The following RGS12 variants were observed in gnomAD, a reference collection of about 807,000 sequenced individuals.
RGS12 encodes regulator of G protein signaling 12.
RGS12 carries 66 observed loss-of-function variants against 120.1 expected under a neutral mutation model. The observed-to-expected ratio is 0.55, with a 90% CI of 0.45 to 0.67. RGS12 has a LOEUF of 0.67. Among genes scored for constraint, RGS12 ranks in the 30% least tolerant of loss-of-function variants. RGS12 has a pLI of 0.00. For missense variants in RGS12, 1,859 were observed against 1,957.7 expected (o/e 0.95, Z 0.95); for synonymous variants, 827 against 804.7 (o/e 1.03, Z -0.47).
At chr4:3,313,789 A>T (rs912205454) in intron 1 of RGS12, among the ~76,000 whole-genome samples, 1 of 152,046 alleles carries the variant, frequency 6.6e-6, no homozygotes, top group Admixed American at 6.5e-5. Context: ...CTCTGACCCC[A>T]GGCTCACACA....
intron 2 of RGS12, among the ~76,000 whole-genome samples, chr4:3,326,943 C>T (rs1157391902): frequency 2.0e-5 from 3 of 152,110 alleles, no homozygotes; most frequent in East Asian, 1.9e-4. Context: ...TAATTTTTCA[C>T]GGAAGTAGAA....
At chr4:3,367,268 C>T (rs930446414) in intron 3 of RGS12, among the ~76,000 whole-genome samples, 6 of 152,388 alleles carry the variant, frequency 3.9e-5, no homozygotes, top group South Asian at 2.1e-4. Flanking sequence ...CTGGGATCCG[C>T]GGTGGGCCTG....
the RGS12 span, among the ~76,000 whole-genome samples, chr4:3,287,603 T>C: frequency 6.6e-6 from 1 of 152,248 alleles, no homozygotes; most frequent in Admixed American, 6.5e-5. Flanking sequence ...AGGAATAATA[T>C]GGTCTACTTA....
chr4:3,396,666 C>G (rs1720074082), intron 4 of RGS12, among the ~76,000 whole-genome samples: 1 of 152,118 alleles, frequency 6.6e-6, no homozygotes, highest in Non-Finnish European at 1.5e-5. Context: ...AATTCTCGTC[C>G]CTGGCATTTG....
chr4:3,425,136 C>G (rs1723471763), intron 13 of RGS12, among the ~76,000 whole-genome samples: 1 of 152,240 alleles, frequency 6.6e-6, no homozygotes, highest in African/African-American at 2.4e-5. Context: ...AACATCTGCT[C>G]TCAGTATTCC....
chr4:3,309,716 G>A (rs1301493646), intron 1 of RGS12, among the ~76,000 whole-genome samples: 16 of 133,904 alleles, frequency 1.2e-4, no homozygotes, highest in Middle Eastern at 4.9e-3. Flanking sequence ...GCTGGGACCT[G>A]GGAATGGCAG....
chr4:3,311,183 C>T (rs553469356), intron 1 of RGS12, among the ~76,000 whole-genome samples: 1 of 152,270 alleles, frequency 6.6e-6, no homozygotes, highest in African/African-American at 2.4e-5. Flanking sequence ...CTTCGGAGGA[C>T]GGCGTCTCTC....
rs769785638 is a variant in RGS12, at chr4:3,422,487, A to G, written c.2950A>G (p.Ile984Val). ...GGTGGCTGTCAAGGCGGGCTTCTCCATCAAAGACATCCTGTCCGGACTCTG... is the reference window on the plus strand; with the variant it reads ...GGTGGCTGTCAAGGCGGGCTTCTCCGTCAAAGACATCCTGTCCGGACTCTG... ...CVVAVKAGFS[I>V]KDILSGLCER... Residue 984 changes from isoleucine to valine, a missense_variant, in exon 11 of 18, where the codon ATC becomes GTC. By Grantham distance (29) the Ile-to-Val change is conservative. Transcript: ENST00000336727. 1 of 1,613,038 alleles carries G rather than the reference A, an allele frequency of 6.2e-7. No individual in the cohort carries two copies. The highest frequency in any genetic ancestry group is 8.5e-7 in the Non-Finnish European group (1 of 1,179,976).
At chr4:3,292,317 T>A (rs1227849194), upstream of RGS12, among the ~76,000 whole-genome samples, 1 of 152,006 alleles carries the variant, frequency 6.6e-6, no homozygotes, top group Admixed American at 6.5e-5. Context: ...GTGCCTCCGG[T>A]CCCGCCCTCG....
In RGS12 at chr4:3,422,942, C is replaced by T; in HGVS notation, c.3071C>T (p.Ser1024Leu). ...CACCAAGACAGTAGCATCTTGGAGT[C>T]AAGGGACCTGCGCCTAGAAAAGCGC... ...VLHQDSSILESRDLRLEKRTL... is the reference protein window; with the variant it reads ...VLHQDSSILELRDLRLEKRTL... Residue 1024 changes from serine (S) to leucine (L), a missense_variant, in exon 12 of 18, where the codon TCA (serine) becomes TTA (leucine). Ser to Leu is a moderately radical substitution (Grantham distance 145). Transcript: ENST00000336727. 1 of 1,613,338 alleles carries T rather than the reference C, an allele frequency of 6.2e-7. No individual in the cohort carries two copies. The highest frequency in any genetic ancestry group is 8.5e-7 in the Non-Finnish European group (1 of 1,179,974).
chr4:3,368,528 CGT>C (rs1716609699), intron 3 of RGS12, among the ~76,000 whole-genome samples: 1 of 69,462 alleles, frequency 1.4e-5, no homozygotes, highest in Non-Finnish European at 2.6e-5. Context: ...GTGTGGGGTA[CGT>C]GTGTGTGTGG....
intron 17 of RGS12, among the ~76,000 whole-genome samples, chr4:3,438,877 G>A (rs567850272): frequency 1.3e-5 from 2 of 152,242 alleles, no homozygotes; most frequent in Non-Finnish European, 2.9e-5. Flanking sequence ...GGACACGACC[G>A]GGAGGCCCAG....
intron 3 of RGS12, among the ~76,000 whole-genome samples, chr4:3,376,573 G>A (rs974872975): frequency 6.6e-6 from 1 of 152,246 alleles, no homozygotes; most frequent in African/African-American, 2.4e-5. Context: ...ACACAGACTT[G>A]CAGCTCAGAA....
In RGS12 at chr4:3,414,211, G is replaced by C. The variant is rs764630243; in HGVS notation, c.2160G>C (p.Leu720=). 27 of 1,547,728 alleles carry C rather than the reference G, an allele frequency of 1.7e-5. No individual in the cohort carries two copies. Among genetic ancestry groups the C allele is most frequent in the Admixed American group, 1.3e-4 (7 of 51,978 alleles). ...GGGCCGTGTCCTTTGAGCGCCTGCTGCAGGACCCCGTCGGTGTCCGCTACT... is the reference window on the plus strand; with the variant it reads ...GGGCCGTGTCCTTTGAGCGCCTGCTCCAGGACCCCGTCGGTGTCCGCTACT... ...ASWAVSFERL[L]QDPVGVRYFS... The change falls in exon 5 of 18, where the codon CTG becomes CTC. Residue 720 remains leucine, a synonymous_variant. Coordinates refer to ENST00000336727, the MANE Select transcript of RGS12 (RefSeq NM_001394154.1).
chr4:3,414,231 G>A lies in RGS12; in HGVS notation c.2180G>A (p.Arg727His), dbSNP rs1203455127. ...ERLLQDPVGV[R>H]YFSDFLRKEF... ...CTGCTGCAGGACCCCGTCGGTGTCC[G>A]CTACTTCTCTGTGAGTAGGGAAGGG... Residue 727 changes from arginine to histidine, a missense_variant, in exon 5 of 18, where the codon CGC becomes CAC. Around this residue, in one of 3 missense-constraint regions of RGS12, gnomAD observed 375 missense variants for 475.0 expected, o/e 0.79. Transcript: ENST00000336727. 10 of 1,540,526 alleles carry A rather than the reference G, an allele frequency of 6.5e-6. No homozygotes were observed. Among genetic ancestry groups the A allele is most frequent in the East Asian group, 4.9e-5 (2 of 41,118 alleles).
At chr4:3,431,504 G>A (rs1047039199) in intron 17 of RGS12, 4 of 987,226 alleles carry the variant, frequency 4.1e-6, no homozygotes, top group Admixed American at 1.2e-4. Flanking sequence ...GGGAGTGGAG[G>A]TGACGTCAGC....
intron 1 of RGS12, among the ~76,000 whole-genome samples, 196 bp downstream of exon 1, chr4:3,293,295 G>C (rs1212306509): frequency 1.4e-5 from 2 of 139,632 alleles, no homozygotes; most frequent in Non-Finnish European, 3.1e-5. Flanking sequence ...TCCTGGTCCC[G>C]GGCCCGGCGC....
intron 4 of RGS12, among the ~76,000 whole-genome samples, chr4:3,410,758 G>T (rs1018154858): frequency 6.6e-6 from 1 of 152,216 alleles, no homozygotes; most frequent in Non-Finnish European, 1.5e-5. Flanking sequence ...CATGGCTGGC[G>T]TTCTGTGATG....
chr4:3,316,907 A>G lies in RGS12; in HGVS notation c.737A>G (p.Asn246Ser), dbSNP rs1339734894. The G allele has an allele frequency of 6.2e-7, 1 of 1,613,862 alleles. No individual in the cohort carries two copies. Among genetic ancestry groups the G allele is most frequent in the Non-Finnish European group, 8.5e-7 (1 of 1,180,060 alleles). The change falls in exon 2 of 18, where the codon AAC becomes AGC. Residue 246 changes from asparagine (N) to serine (S), a missense_variant. Asn to Ser is a conservative substitution (Grantham distance 46). Coordinates refer to ENST00000336727, the MANE Select transcript of RGS12 (RefSeq NM_001394154.1). ...ATTGAGCTTCCTTCCACGAGCTCCA[A>G]CCTGGAGTCCGACAGCTTGCAAGCC... is the stretch of plus-strand genomic sequence containing the variant. ...GSIELPSTSS[N>S]LESDSLQAIR... is the part of the protein sequence containing the mutation.
Sources: gnomAD v4.1 joint callset for allele counts (sites outside exome capture counted in the v4.1 genomes callset) on GRCh38, gnomAD v4.1.1 for gene constraint, gnomAD v4.1.1 regional missense constraint, MANE v1.5 for transcripts, NCBI Gene and HGNC (gene_info 2026-07-23, HGNC 2026-07-21) for gene names.